POLR3A: variants seen among roughly 807,000 people sequenced by gnomAD.
POLR3A encodes DNA-directed RNA polymerase III subunit RPC1.
A neutral mutation model predicts 152.8 loss-of-function variants in POLR3A; 112 were observed. The observed-to-expected ratio is 0.73, with a 90% CI of 0.63 to 0.86. POLR3A has a LOEUF of 0.86. Among genes scored for constraint, POLR3A ranks in the 40% least tolerant of loss-of-function variants. POLR3A has a pLI of 0.00. For synonymous variants in POLR3A, 615 were observed against 652.1 expected (o/e 0.94, Z 0.87); for missense variants, 1,385 against 1,743.1 (o/e 0.79, Z 3.66).
chr10:78,024,483 G>GC (rs1219080438), intron 5 of POLR3A, 66 bp downstream of exon 5: 2 of 1,538,542 alleles, frequency 1.3e-6, no homozygotes, highest in African/African-American at 1.4e-5. Flanking sequence ...GAGAGAGTGT[G>GC]CATGTGACGT....
At chr10:78,008,674 C>T (rs58142046) in intron 14 of POLR3A, among the ~76,000 whole-genome samples, 2,514 of 152,128 alleles carry the variant, frequency 0.017, 82 homozygotes, top group African/African-American at 0.058. Flanking sequence ...GACTGCACTT[C>T]GGGTTGAACT....
In POLR3A at chr10:77,981,574, T is replaced by C. The variant is rs1847142686; in HGVS notation, c.3760-15A>G. On this transcript the variant is annotated splice_polypyrimidine_tract_variant and intron_variant, in intron 28 of 30. Transcript: ENST00000372371. ...GTTTTCTCCACCTACAGAGAGCCAG[T>C]AATGAGCAGAAGCAGCCCCTTCCGG... The C allele has an allele frequency of 1.2e-6, 2 of 1,613,910 alleles. No individual in the cohort carries two copies. Among genetic ancestry groups the C allele is most frequent in the East Asian group, 4.5e-5 (2 of 44,850 alleles).
At chr10:78,018,590 A>G (rs1418877202) in intron 9 of POLR3A, among the ~76,000 whole-genome samples, 1 of 151,532 alleles carries the variant, frequency 6.6e-6, no homozygotes, top group Non-Finnish European at 1.5e-5. Context: ...TTATATATTT[A>G]TTGTATTTCT....
At chr10:77,993,498 C>T in intron 19 of POLR3A, 131 bp from the exon 20 acceptor site, 1 of 733,664 alleles carries the variant, frequency 1.4e-6, no homozygotes, top group Non-Finnish European at 2.4e-6. Flanking sequence ...TATTAGAAAC[C>T]CTTTAAAAAG....
chr10:78,009,741 G>A (rs1231121470), intron 13 of POLR3A, 66 bp from the exon 14 acceptor site: 22 of 1,613,056 alleles, frequency 1.4e-5, no homozygotes, highest in Admixed American at 1.7e-5. Flanking sequence ...TTCAGTAGAC[G>A]AAGCCAGGCG....
intron 15 of POLR3A, among the ~76,000 whole-genome samples, chr10:78,005,382 G>A (rs1488156137): frequency 6.6e-6 from 1 of 152,238 alleles, no homozygotes; most frequent in African/African-American, 2.4e-5. Flanking sequence ...GGGAGGTGGA[G>A]GTTGCAATGA....
rs937860672 is a variant in POLR3A, at chr10:77,975,707, A to G, written c.*1771T>C. 2.0e-5 allele frequency: 3 copies of G among 151,848 alleles called. No individual in the cohort carries two copies. The highest frequency in any genetic ancestry group is 6.5e-5 in the Admixed American group (1 of 15,272). 9.4% of individuals were successfully genotyped at this position (151,848 alleles called of 1,614,324 possible). ...AAGTGTGCGTCACCCGCAGAAGACAACAGGTGCCGGAGTTCACTCCTATGA... is the reference window on the plus strand; with the variant it reads ...AAGTGTGCGTCACCCGCAGAAGACAGCAGGTGCCGGAGTTCACTCCTATGA... On this transcript the variant is annotated 3_prime_UTR_variant, in exon 31 of 31. Transcript: ENST00000372371.
chr10:77,977,684 A>G, intron 30 of POLR3A, 58 bp from the exon 31 acceptor site: 1 of 1,447,986 alleles, frequency 6.9e-7, no homozygotes, highest in Middle Eastern at 1.7e-4. Context: ...CATTTTCACG[A>G]AGAAAGACTA....
chr10:78,029,414 C>G lies in POLR3A; in HGVS notation c.-7G>C, dbSNP rs749206493. ...GGAACTGCTCCTTCACCATGATGACCGCTGCCGGGACGCCTCCTTGGCACT... is the reference window on the plus strand; with the variant it reads ...GGAACTGCTCCTTCACCATGATGACGGCTGCCGGGACGCCTCCTTGGCACT... On this transcript the variant is annotated 5_prime_UTR_variant, in exon 1 of 31. Coordinates refer to ENST00000372371, the MANE Select transcript of POLR3A (RefSeq NM_007055.4). The G allele has an allele frequency of 6.2e-6, 10 of 1,613,904 alleles. No homozygotes were observed. In the Admixed American group the frequency reaches 1.3e-4, roughly 22 times the overall value.
intron 11 of POLR3A, among the ~76,000 whole-genome samples, chr10:78,010,941 C>A (rs1028331257): frequency 6.6e-6 from 1 of 152,152 alleles, no homozygotes; most frequent in African/African-American, 2.4e-5. Flanking sequence ...CCTCATGGGG[C>A]TCAAGTGATC....
intron 19 of POLR3A, among the ~76,000 whole-genome samples, chr10:77,998,910 A>C (rs571372896): frequency 6.6e-6 from 1 of 152,388 alleles, no homozygotes; most frequent in African/African-American, 2.4e-5. Flanking sequence ...CTAAGTGTCC[A>C]ACAATGATAG....
chr10:77,995,491 A>C (rs1847290894), intron 19 of POLR3A, among the ~76,000 whole-genome samples: 1 of 152,218 alleles, frequency 6.6e-6, no homozygotes, highest in African/African-American at 2.4e-5. Context: ...GGAAAACAAA[A>C]AAAGGCAGGG....
At position 78,009,580 on chromosome 10, in the gene POLR3A, C is replaced by T; in HGVS notation, c.1866G>A (p.Lys622=). 6.2e-7 allele frequency: 1 copy of T among 1,614,214 alleles called. No individual in the cohort carries two copies. The highest frequency in any genetic ancestry group is 8.5e-7 in the Non-Finnish European group (1 of 1,180,048). The change falls in exon 14 of 31, where the codon AAG becomes AAA. Residue 622 remains lysine (K), a synonymous_variant. Coordinates refer to ENST00000372371, the MANE Select transcript of POLR3A (RefSeq NM_007055.4). ...PVRANLRTKG[K]QYCGKGEDLC... is the part of the protein sequence containing the mutation. ...GATCTTCCCCTTTGCCACAGTACTGCTTGCCCTTGGTTCGCAGGTTGGCCC... is the reference window on the plus strand; with the variant it reads ...GATCTTCCCCTTTGCCACAGTACTGTTTGCCCTTGGTTCGCAGGTTGGCCC...
chr10:77,994,498 TAAAA>T (rs35711002), intron 19 of POLR3A, among the ~76,000 whole-genome samples: 7 of 121,078 alleles, frequency 5.8e-5, no homozygotes, highest in African/African-American at 1.8e-4. Context: ...AAACATTACT[TAAAA>T]AAAAAAAAAA....
chr10:77,979,801 C>G (rs1441748920), intron 30 of POLR3A, among the ~76,000 whole-genome samples: 1 of 152,182 alleles, frequency 6.6e-6, no homozygotes, highest in African/African-American at 2.4e-5. Flanking sequence ...TCCTGTCAGC[C>G]CTGGTGTCAC....
rs150343688 is a variant in POLR3A, at chr10:78,000,300, A to G, written c.2479-182T>C. On this transcript the variant is annotated intron_variant, in intron 18 of 30. Transcript: ENST00000372371. ...GGAGAAATACTTTATACCAGGGACA[A>G]GGAGAATGAGGGCCCAGCCAGGGCT... Among the ~76,000 whole-genome samples the G allele has an allele frequency of 4.1e-3, 619 of 152,312 alleles. 5 individuals carry two copies. The highest frequency in any genetic ancestry group is 0.012 in the African/African-American group (498 of 41,566).
At position 77,976,132 on chromosome 10, in the gene POLR3A, TTTC is replaced by T. The variant is rs1190102591; in HGVS notation, c.*1343_*1345del. On this transcript the variant is annotated 3_prime_UTR_variant, in exon 31 of 31. Coordinates refer to ENST00000372371, the MANE Select transcript of POLR3A (RefSeq NM_007055.4). ...CTAATTTTTTTTTACGCTTAATTTT[TTTC>T]TTTTTTTTTTTTGAGACAAGGTCTT... 1 of 151,852 alleles carries T rather than the reference TTTC, an allele frequency of 6.6e-6. No individual in the cohort carries two copies. The highest frequency in any genetic ancestry group is 1.5e-5 in the Non-Finnish European group (1 of 67,984). The allele number at this position is 151,852 out of a possible 1,614,324, so 9.4% of individuals were successfully genotyped here.
chr10:78,025,955 G>T, intron 2 of POLR3A, 139 bp downstream of exon 2: 1 of 1,224,260 alleles, frequency 8.2e-7, no homozygotes, highest in Non-Finnish European at 1.2e-6. Flanking sequence ...ACTAAAGGCC[G>T]GAGTTCTTGA....
chr10:78,007,058 A>T (rs1450025254), intron 15 of POLR3A, among the ~76,000 whole-genome samples: 1 of 152,210 alleles, frequency 6.6e-6, no homozygotes, highest in Non-Finnish European at 1.5e-5. Flanking sequence ...GTGACAGAGC[A>T]AGACCCTATC....
Sources: gnomAD v4.1 joint callset for allele counts (sites outside exome capture counted in the v4.1 genomes callset) on GRCh38, gnomAD v4.1.1 for gene constraint, MANE v1.5 for transcripts, NCBI Gene and HGNC (gene_info 2026-07-23, HGNC 2026-07-21) for gene names.